Variants in NEDD4L observed in about 807,000 individuals in gnomAD.
The protein encoded by NEDD4L is NEDD4 like E3 ubiquitin protein ligase, also known as E3 ubiquitin-protein ligase NEDD4-like.
A neutral mutation model predicts 148.9 loss-of-function variants in NEDD4L; 54 were observed. The ratio of observed to expected loss-of-function variants is 0.36; its 90% CI spans 0.29 to 0.45. NEDD4L has a LOEUF of 0.45. Ranked by LOEUF, NEDD4L falls within the 20% of genes least tolerant of loss-of-function variation. The probability of loss-of-function intolerance (pLI) is 1.00; values close to 1 mark genes in which losing one functional copy is unlikely to be tolerated. For missense variants in NEDD4L, 856 were observed against 1,233.8 expected (o/e 0.69, Z 4.59); for synonymous variants, 433 against 440.7 (o/e 0.98, Z 0.22).
intron 2 of NEDD4L, among the ~76,000 whole-genome samples, chr18:58,222,236 C>T (rs976261532): frequency 6.6e-6 from 1 of 152,164 alleles, no homozygotes; most frequent in African/African-American, 2.4e-5. Flanking sequence ...TAGAAACCTC[C>T]TGGAGAAGAG....
chr18:58,221,711 G>A lies in NEDD4L; in HGVS notation c.123-23716G>A, dbSNP rs183519763. 117 of 985,444 alleles carry A rather than the reference G, an allele frequency of 1.2e-4. 2 individuals are homozygous for A. In the African/African-American group the frequency reaches 1.7e-3, roughly 14 times the overall value. 61.0% of individuals were successfully genotyped at this position (985,444 alleles called of 1,614,324 possible). ...GATTTCCAGCAGCGCTAGTCCAGCT[G>A]AACACTTTCCAGCCTTGTTTTTCAG... On this transcript the variant is annotated intron_variant, in intron 2 of 30. Coordinates refer to ENST00000400345, the MANE Select transcript of NEDD4L (RefSeq NM_001144967.3).
intron 16 of NEDD4L, among the ~76,000 whole-genome samples, chr18:58,345,917 T>C (rs562334474): frequency 3.5e-4 from 26 of 73,694 alleles, no homozygotes; most frequent in African/African-American, 1.3e-3. Context: ...ATTTTTGTTG[T>C]TTTTTGTTTT....
In NEDD4L at chr18:58,234,122, C is replaced by CCT. The variant is rs1555753582; in HGVS notation, c.123-11305_123-11304insCT. ...CTTTCTTTTCTTTTCTTTTCTTTTCCTTCTTTTTTTCTTTCTTTCTCTCTC... is the reference window on the plus strand; with the variant it reads ...CTTTCTTTTCTTTTCTTTTCTTTTCCCTTTCTTTTTTTCTTTCTTTCTCTCTC... On this transcript the variant is annotated intron_variant, in intron 2 of 30. Transcript: ENST00000400345. Among the ~76,000 whole-genome samples the CCT allele has an allele frequency of 1.7e-4, 19 of 114,320 alleles. 1 individual carries two copies. Among genetic ancestry groups the CCT allele is most frequent in the South Asian group, 6.4e-4 (2 of 3,146 alleles). The allele number at this position is 114,320 out of a possible 152,430, so 75.0% of individuals were successfully genotyped here. A position where few individuals can be genotyped will look rare whatever the true frequency, so the allele number is the denominator to read the frequency against.
At chr18:58,224,233 A>T (rs2044101388) in intron 2 of NEDD4L, among the ~76,000 whole-genome samples, 1 of 152,236 alleles carries the variant, frequency 6.6e-6, no homozygotes, top group Non-Finnish European at 1.5e-5. Flanking sequence ...CCTCTGACTA[A>T]GGTCAGTGAC....
At chr18:58,153,634 T>C (rs1264456298) in intron 1 of NEDD4L, among the ~76,000 whole-genome samples, 1 of 151,510 alleles carries the variant, frequency 6.6e-6, no homozygotes, top group Non-Finnish European at 1.5e-5. Context: ...GAAAACCAAG[T>C]CTGTTAGCTT....
chr18:58,118,184 TCAGTGAACA>T (rs1405802238), intron 1 of NEDD4L, among the ~76,000 whole-genome samples: 40 of 152,264 alleles, frequency 2.6e-4, no homozygotes, highest in African/African-American at 9.2e-4. Flanking sequence ...ATCTGCTGTG[TCAGTGAACA>T]CACAGATCTC....
At chr18:58,047,517 G>C in intron 1 of NEDD4L, 1 of 985,310 alleles carries the variant, frequency 1.0e-6, no homozygotes, top group Non-Finnish European at 1.2e-6. Flanking sequence ...GAAGGTAAGG[G>C]GTTGAGATGT....
chr18:58,147,198 C>T (rs1345372313), intron 1 of NEDD4L, among the ~76,000 whole-genome samples: 1 of 152,100 alleles, frequency 6.6e-6, no homozygotes, highest in Admixed American at 6.5e-5. Flanking sequence ...TGTGAGAGTG[C>T]GGTTGAGCTG....
chr18:58,349,136 C>G (rs1210017320), intron 16 of NEDD4L, among the ~76,000 whole-genome samples: 1 of 152,040 alleles, frequency 6.6e-6, no homozygotes, highest in African/African-American at 2.4e-5. Flanking sequence ...GGCTGGCTCC[C>G]CTCACCGGGA....
chr18:58,364,045 G>A (rs1008207342), intron 19 of NEDD4L, among the ~76,000 whole-genome samples: 1 of 152,198 alleles, frequency 6.6e-6, no homozygotes, highest in African/African-American at 2.4e-5. Flanking sequence ...TAGCAGTATA[G>A]CTGTTTTCAG....
chr18:58,056,894 CTTT>C (rs74183230), intron 1 of NEDD4L, among the ~76,000 whole-genome samples: 5 of 121,618 alleles, frequency 4.1e-5, no homozygotes, highest in Non-Finnish European at 5.0e-5. Flanking sequence ...GCTATGCCCT[CTTT>C]TTTTTTTTTT....
chr18:58,044,651 C>T lies in NEDD4L; in HGVS notation c.-10C>T. 1.9e-6 allele frequency: 3 copies of T among 1,598,530 alleles called. No homozygotes were observed. Among genetic ancestry groups the T allele is most frequent in the Non-Finnish European group, 2.6e-6 (3 of 1,173,060 alleles). On this transcript the variant is annotated 5_prime_UTR_variant, in exon 1 of 31. Transcript: ENST00000400345. ...GGAGCGCCTCAGACCCCGCGCGGGG[C>T]GCCGGCTCCATGGCGACCGGGCTCG...
intron 5 of NEDD4L, among the ~76,000 whole-genome samples, chr18:58,285,258 C>A (rs943801565): frequency 2.0e-5 from 3 of 152,100 alleles, no homozygotes; most frequent in Non-Finnish European, 4.4e-5. Flanking sequence ...TGGTTTATGG[C>A]CCCTATAAAA....
chr18:58,331,012 T>C, intron 11 of NEDD4L, 98 bp downstream of exon 11: 5 of 1,217,582 alleles, frequency 4.1e-6, no homozygotes, highest in Non-Finnish European at 5.8e-6. Flanking sequence ...CCAAGGGTCT[T>C]CCAGCTCCCA....
At chr18:58,143,787 C>G (rs1375794697) in intron 1 of NEDD4L, among the ~76,000 whole-genome samples, 2 of 151,976 alleles carry the variant, frequency 1.3e-5, no homozygotes, top group African/African-American at 4.8e-5. Flanking sequence ...CCACAGCTGT[C>G]GAAGGAAGGG....
intron 1 of NEDD4L, among the ~76,000 whole-genome samples, chr18:58,160,095 G>C (rs1380394770): frequency 6.6e-6 from 1 of 152,238 alleles, no homozygotes; most frequent in East Asian, 1.9e-4. Flanking sequence ...GTAAATTCCA[G>C]TATCTTGAGT....
chr18:58,356,083 G>A (rs895134553), intron 18 of NEDD4L, among the ~76,000 whole-genome samples: 1 of 151,830 alleles, frequency 6.6e-6, no homozygotes, highest in Non-Finnish European at 1.5e-5. Context: ...CTCCCAAGTA[G>A]CTAGGACTAC....
At chr18:58,184,824 A>G (rs1225790586) in intron 2 of NEDD4L, among the ~76,000 whole-genome samples, 1 of 152,024 alleles carries the variant, frequency 6.6e-6, no homozygotes, top group East Asian at 1.9e-4. Flanking sequence ...GCTACTTGGG[A>G]GGCTGAAGCA....
chr18:58,103,622 A>G (rs971919160), intron 1 of NEDD4L, among the ~76,000 whole-genome samples: 2 of 152,162 alleles, frequency 1.3e-5, no homozygotes, highest in African/African-American at 4.8e-5. Flanking sequence ...GCTATTGGGG[A>G]TAAACCAGTG....
Sources: allele counts gnomAD v4.1 joint callset (sites outside exome capture counted in the v4.1 genomes callset), GRCh38; gene constraint gnomAD v4.1.1; transcripts MANE v1.5; gene names NCBI Gene and HGNC (gene_info 2026-07-23, HGNC 2026-07-21).